The following MACROD2 variants were observed in gnomAD, a reference collection of about 807,000 sequenced individuals.
The protein encoded by MACROD2 is ADP-ribose glycohydrolase MACROD2.
A neutral mutation model predicts 70.4 loss-of-function variants in MACROD2; 36 were observed. The ratio of observed to expected loss-of-function variants is 0.51; its 90% confidence interval spans 0.39 to 0.68. The LOEUF is 0.68. Ranked by LOEUF, MACROD2 falls within the 30% of genes least tolerant of loss-of-function variation. MACROD2 has a pLI of 0.00. For synonymous variants in MACROD2, 172 were observed against 178.8 expected, an observed-to-expected ratio of 0.96 and a Z score of 0.30; for missense variants, 496 against 538.4, an observed-to-expected ratio of 0.92 and a Z score of 0.78.
intron 5 of MACROD2, among the ~76,000 whole-genome samples, chr20:15,112,012 G>A (rs2075959150): frequency 6.6e-6 from 1 of 152,182 alleles, no homozygotes; most frequent in African/African-American, 2.4e-5. Flanking sequence ...ACACCCCAGA[G>A]TTCACAGGGC....
chr20:14,054,839 G>A (rs192322948), intron 2 of MACROD2, among the ~76,000 whole-genome samples: 3 of 152,208 alleles, frequency 2.0e-5, no homozygotes, highest in East Asian at 3.9e-4. Flanking sequence ...GAACATGCAG[G>A]CAGTGATTTT....
At chr20:15,420,279 G>A (rs1026864360) in intron 6 of MACROD2, among the ~76,000 whole-genome samples, 1 of 152,212 alleles carries the variant, frequency 6.6e-6, no homozygotes, top group African/African-American at 2.4e-5. Context: ...GTTTTATACT[G>A]CATGGAGTCG....
At chr20:15,540,701 A>C in intron 8 of MACROD2, among the ~76,000 whole-genome samples, 1 of 152,216 alleles carries the variant, frequency 6.6e-6, no homozygotes, top group East Asian at 1.9e-4. Context: ...GGAGGCTGGC[A>C]GTCTAAACTC....
chr20:14,752,516 C>A (rs2071886931), intron 5 of MACROD2, among the ~76,000 whole-genome samples: 1 of 152,132 alleles, frequency 6.6e-6, no homozygotes. Flanking sequence ...ACCATTCTCT[C>A]TCACCTGTAG....
chr20:14,408,686 T>A (rs774015559), intron 3 of MACROD2, among the ~76,000 whole-genome samples: 1 of 152,184 alleles, frequency 6.6e-6, no homozygotes, highest in Non-Finnish European at 1.5e-5. Flanking sequence ...GCATCTATAT[T>A]GGTTCATTAG....
chr20:15,556,074 C>G (rs1158261551), intron 8 of MACROD2, among the ~76,000 whole-genome samples: 1 of 152,118 alleles, frequency 6.6e-6, no homozygotes, highest in Admixed American at 6.5e-5. Flanking sequence ...CTGAACCATG[C>G]TTGGCTCAGT....
intron 5 of MACROD2, among the ~76,000 whole-genome samples, chr20:14,956,167 A>G (rs1477903554): frequency 6.6e-6 from 1 of 152,092 alleles, no homozygotes; most frequent in Non-Finnish European, 1.5e-5. Context: ...GAAAAAGGGG[A>G]AAAAAGCCTT....
intron 2 of MACROD2, among the ~76,000 whole-genome samples, chr20:14,077,212 A>C (rs1769577135): frequency 6.6e-6 from 1 of 152,198 alleles, no homozygotes; most frequent in Non-Finnish European, 1.5e-5. Context: ...ATTTCTAAGA[A>C]ATATAAATGA....
chr20:15,303,161 T>C (rs145322938), intron 6 of MACROD2, among the ~76,000 whole-genome samples: 1 of 152,366 alleles, frequency 6.6e-6, no homozygotes, highest in Non-Finnish European at 1.5e-5. Context: ...CTAATTTTTC[T>C]CTTTGACATC....
intron 6 of MACROD2, among the ~76,000 whole-genome samples, chr20:15,247,075 T>C (rs185878213): frequency 5.2e-4 from 79 of 152,250 alleles, no homozygotes; most frequent in African/African-American, 1.8e-3. Flanking sequence ...GCTAATAGGG[T>C]ATCTTTTTTG....
chr20:15,967,667 T>C, intron 13 of MACROD2, 37 bp downstream of exon 13: 2 of 1,255,886 alleles, frequency 1.6e-6, no homozygotes, highest in Non-Finnish European at 2.2e-6. Flanking sequence ...TTTCTTTTCT[T>C]CTGCTGGGAA....
intron 3 of MACROD2, among the ~76,000 whole-genome samples, chr20:14,422,787 AAT>A (rs2083889977): frequency 6.6e-6 from 1 of 152,232 alleles, no homozygotes; most frequent in Non-Finnish European, 1.5e-5. Flanking sequence ...GAAAATAAAA[AAT>A]AGAGTCACAA....
intron 8 of MACROD2, among the ~76,000 whole-genome samples, chr20:15,536,958 A>C (rs1041199764): frequency 1.3e-5 from 2 of 152,028 alleles, no homozygotes; most frequent in Non-Finnish European, 2.9e-5. Context: ...CATGCTGTTC[A>C]CCCCTTGCCC....
At position 14,161,815 on chromosome 20, in the gene MACROD2, C is replaced by T. The variant is rs141536390; in HGVS notation, c.271+76087C>T. The stretch of plus-strand genomic sequence containing the variant: ...TTAACCGTGTTAGCCAGGATAGTCT[C>T]GATCTCCTGACCTCGTGATCCACCC... On this transcript the variant is annotated intron_variant, in intron 3 of 17. Coordinates refer to ENST00000684519, the MANE Select transcript of MACROD2 (RefSeq NM_001351661.2). Among the ~76,000 whole-genome samples, 59 of 152,026 alleles carry T rather than the reference C, an allele frequency of 3.9e-4. 1 individual carries two copies. Among genetic ancestry groups the T allele is most frequent in the African/African-American group, 1.1e-3 (47 of 41,496 alleles).
At chr20:15,040,866 G>C (rs1014887314) in intron 5 of MACROD2, among the ~76,000 whole-genome samples, 2 of 152,146 alleles carry the variant, frequency 1.3e-5, no homozygotes, top group African/African-American at 4.8e-5. Flanking sequence ...TCAATTATGA[G>C]GGTCAGGTCT....
At chr20:15,698,921 T>G (rs1040240955) in intron 8 of MACROD2, among the ~76,000 whole-genome samples, 2 of 152,224 alleles carry the variant, frequency 1.3e-5, no homozygotes. Context: ...CAAAGCTTCC[T>G]GAATTTTTTA....
chr20:15,432,296 G>A (rs1241800745), intron 7 of MACROD2, among the ~76,000 whole-genome samples: 1 of 152,120 alleles, frequency 6.6e-6, no homozygotes, highest in South Asian at 2.1e-4. Context: ...TCTTCATCTG[G>A]TATTTCTTTT....
intron 6 of MACROD2, among the ~76,000 whole-genome samples, chr20:15,353,628 A>G (rs2078253183): frequency 6.6e-6 from 1 of 151,728 alleles, no homozygotes; most frequent in African/African-American, 2.4e-5. Context: ...AATATCCAGA[A>G]TCTACAATGA....
chr20:15,932,834 A>G (rs1446037146), intron 10 of MACROD2, among the ~76,000 whole-genome samples: 1 of 152,238 alleles, frequency 6.6e-6, no homozygotes, highest in Admixed American at 6.5e-5. Flanking sequence ...TTAGACTGCC[A>G]TATGGAAGTT....
Sources: allele counts gnomAD v4.1 joint callset (sites outside exome capture counted in the v4.1 genomes callset), GRCh38; gene constraint gnomAD v4.1.1; transcripts MANE v1.5; gene names NCBI Gene and HGNC (gene_info 2026-07-23, HGNC 2026-07-21).